Variants in KIF2A observed in about 807,000 individuals in gnomAD.
The protein encoded by KIF2A is kinesin-like protein KIF2A.
Under a neutral mutation model 100.2 loss-of-function variants are expected in KIF2A, and 22 were observed. The observed-to-expected ratio is 0.22, with a 90% CI of 0.16 to 0.31. KIF2A has a LOEUF of 0.31. Ranked by LOEUF, KIF2A falls within the 10% of genes least tolerant of loss-of-function variation. KIF2A has a pLI of 1.00. For missense variants in KIF2A, 495 were observed against 898.7 expected, an observed-to-expected ratio of 0.55 and a Z score of 5.74; for synonymous variants, 268 against 285.9, an observed-to-expected ratio of 0.94 and a Z score of 0.63.
intron 1 of KIF2A, among the ~76,000 whole-genome samples, chr5:62,309,103 A>G (rs1745445808): frequency 6.6e-6 from 1 of 152,244 alleles, no homozygotes. Flanking sequence ...ATCGTATCAG[A>G]AAAAGTATAT....
At chr5:62,312,912 A>G (rs114997384) in intron 1 of KIF2A, among the ~76,000 whole-genome samples, 40 of 152,334 alleles carry the variant, frequency 2.6e-4, no homozygotes, top group African/African-American at 9.1e-4. Flanking sequence ...CACTACAATA[A>G]AACACGAAGT....
chr5:62,342,560 C>T (rs986889618), intron 1 of KIF2A, among the ~76,000 whole-genome samples: 3 of 151,994 alleles, frequency 2.0e-5, no homozygotes, highest in African/African-American at 7.2e-5. Context: ...AGGACATATC[C>T]ATTTTGGCTC....
chr5:62,318,806 A>G (rs1745961642), intron 1 of KIF2A, among the ~76,000 whole-genome samples: 1 of 152,178 alleles, frequency 6.6e-6, no homozygotes, highest in African/African-American at 2.4e-5. Context: ...GGCTACAGAC[A>G]TGTACTGTTC....
chr5:62,364,151 G>T (rs1369861383), intron 14 of KIF2A, among the ~76,000 whole-genome samples: 8 of 143,100 alleles, frequency 5.6e-5, no homozygotes, highest in African/African-American at 2.5e-5. Context: ...AACTCCAGAG[G>T]TTTTTTTTTT....
chr5:62,349,324 A>G (rs1015825023), intron 3 of KIF2A, among the ~76,000 whole-genome samples: 73 of 151,752 alleles, frequency 4.8e-4, no homozygotes, highest in African/African-American at 1.5e-3. Context: ...TTTTTAAAGT[A>G]TTAAAATAAA....
chr5:62,358,006 T>G (rs541652303), intron 8 of KIF2A, 131 bp from the exon 9 acceptor site: 3 of 732,802 alleles, frequency 4.1e-6, no homozygotes, highest in Non-Finnish European at 6.5e-6. Flanking sequence ...AGTTGCATTT[T>G]TATGGGATAT....
intron 1 of KIF2A, among the ~76,000 whole-genome samples, chr5:62,339,487 C>T (rs145655871): frequency 1.4e-4 from 13 of 92,942 alleles, no homozygotes; most frequent in Middle Eastern, 0.01. Flanking sequence ...ATCATGGCAC[C>T]GAAGAGAAAA....
At chr5:62,382,930 CTT>C (rs34083254) in intron 20 of KIF2A, among the ~76,000 whole-genome samples, 34 of 128,134 alleles carry the variant, frequency 2.7e-4, no homozygotes, top group Non-Finnish European at 2.0e-4. Flanking sequence ...CCTGGCTTTG[CTT>C]TTTTTTTTTT....
At chr5:62,357,989 C>G in intron 8 of KIF2A, 148 bp from the exon 9 acceptor site, 2 of 684,248 alleles carry the variant, frequency 2.9e-6, no homozygotes, top group Non-Finnish European at 2.4e-6. Flanking sequence ...AATATTTTGT[C>G]TTAGTGAGTT....
intron 1 of KIF2A, among the ~76,000 whole-genome samples, chr5:62,313,536 G>A (rs1435918527): frequency 2.6e-5 from 4 of 152,060 alleles, no homozygotes; most frequent in African/African-American, 9.7e-5. Context: ...TGTATTTTTA[G>A]TAGAGATGGG....
intron 1 of KIF2A, among the ~76,000 whole-genome samples, chr5:62,313,467 C>A (rs1385608792): frequency 1.3e-5 from 2 of 152,060 alleles, no homozygotes; most frequent in Admixed American, 1.3e-4. Flanking sequence ...ATTCTCCTGC[C>A]TCAGCCTCCT....
chr5:62,328,193 T>C (rs1287210211), intron 1 of KIF2A, among the ~76,000 whole-genome samples: 4 of 151,948 alleles, frequency 2.6e-5, no homozygotes, highest in Non-Finnish European at 5.9e-5. Flanking sequence ...ACATTTGGTA[T>C]ATATTCTGTT....
At chr5:62,319,540 CA>C (rs939196439) in intron 1 of KIF2A, among the ~76,000 whole-genome samples, 2 of 152,116 alleles carry the variant, frequency 1.3e-5, no homozygotes, top group African/African-American at 4.8e-5. Context: ...TTTGCTCTGT[CA>C]AAAAACTCAT....
chr5:62,356,201 G>A (rs1748097921), intron 7 of KIF2A, among the ~76,000 whole-genome samples: 2 of 152,344 alleles, frequency 1.3e-5, no homozygotes, highest in South Asian at 4.1e-4. Flanking sequence ...TTAGATAGAT[G>A]TATTATATAG....
At chr5:62,379,695 A>G (rs970204017) in intron 19 of KIF2A, among the ~76,000 whole-genome samples, 1 of 151,568 alleles carries the variant, frequency 6.6e-6, no homozygotes, top group Middle Eastern at 3.4e-3. Flanking sequence ...GTATTTTTGC[A>G]TTTTCTAATT....
intron 20 of KIF2A, among the ~76,000 whole-genome samples, chr5:62,381,580 C>A (rs1278059993): frequency 6.6e-6 from 1 of 152,150 alleles, no homozygotes; most frequent in Non-Finnish European, 1.5e-5. Flanking sequence ...TCTTTCTGTG[C>A]CTTTTTTCGG....
intron 20 of KIF2A, among the ~76,000 whole-genome samples, chr5:62,382,088 C>T (rs1481969206): frequency 2.0e-5 from 3 of 152,186 alleles, no homozygotes; most frequent in East Asian, 1.9e-4. Flanking sequence ...TGTGTGTACA[C>T]GCAATCCAAC....
chr5:62,364,129 G>A (rs557786802), intron 14 of KIF2A, among the ~76,000 whole-genome samples: 2 of 151,638 alleles, frequency 1.3e-5, no homozygotes, highest in South Asian at 4.2e-4. Context: ...CAGTTCTGGG[G>A]CTACATAGGT....
Position 62,332,189 on chromosome 5 carries a change from G to A in KIF2A, c.65-14941G>A, listed in dbSNP as rs190043178. ...CAACATGTAAAACTTGTTTTTGACA[G>A]CTCAATGAATATATGAGCTTTTATG... is the stretch of plus-strand genomic sequence containing the variant. On this transcript the variant is annotated intron_variant, in intron 1 of 20. Transcript: ENST00000407818. Among the ~76,000 whole-genome samples the A allele has an allele frequency of 3.3e-5, 5 of 152,294 alleles. No homozygotes were observed. The East Asian group carries it at 7.7e-4, about 23-fold the overall frequency.
Sources: gnomAD v4.1 joint callset for allele counts (sites outside exome capture counted in the v4.1 genomes callset) on GRCh38, gnomAD v4.1.1 for gene constraint, MANE v1.5 for transcripts, NCBI Gene and HGNC (gene_info 2026-07-23, HGNC 2026-07-21) for gene names.